OXNAD1: variants seen among roughly 807,000 people sequenced by gnomAD.
The protein encoded by OXNAD1 is oxidoreductase NAD binding domain containing 1.
OXNAD1 carries 34 observed loss-of-function variants against 32.9 expected under a neutral mutation model. The observed-to-expected ratio is 1.03, with a 90% CI of 0.79 to 1.38. The LOEUF is 1.38. OXNAD1 is among the 40% of genes most tolerant of loss of function. The pLI is 0.00. For missense variants in OXNAD1, 407 were observed against 379.4 expected (o/e 1.07, Z -0.60); for synonymous variants, 134 against 135.2 (o/e 0.99, Z 0.06).
Position 16,298,935 on chromosome 3 carries a change from A to G in OXNAD1, c.433-2691A>G, listed in dbSNP as rs1394743464. Among the ~76,000 whole-genome samples, 1 of 152,220 alleles carries G rather than the reference A, an allele frequency of 6.6e-6. No individual in the cohort carries two copies. The highest frequency in any genetic ancestry group is 2.4e-5 in the African/African-American group (1 of 41,456). On this transcript the variant is annotated intron_variant, in intron 6 of 8. Transcript: ENST00000285083. The surrounding 1 kb of genome is among the most constrained non-coding windows in gnomAD (Gnocchi z 5.1). ...TTACCCTCGCAGTTTTTATTGATCA[A>G]CAAAAAGACAAAGATGGCTTTTAAT... is the stretch of plus-strand genomic sequence containing the variant.
rs180761629 is a variant in OXNAD1 at position 16,327,798 on chromosome 3, T to C, written c.*31-9314T>C. ...CAAAACGAAAAAAACTTCAGCCCCC[T>C]GCTAGCACAGGGAGAGAGCCCTGAT... On this transcript the variant is annotated intron_variant, in intron 9 of 9. Transcript: ENST00000435829. This position sits in a 1 kb window ranked among gnomAD's most constrained non-coding sequence, Gnocchi z 4.2. Among the ~76,000 whole-genome samples the C allele has an allele frequency of 6.0e-5, 9 of 150,224 alleles. No individual in the cohort carries two copies. The highest frequency in any genetic ancestry group is 2.0e-4 in the African/African-American group (8 of 41,014).
At position 16,271,130 on chromosome 3, in the gene OXNAD1, T is replaced by C. The variant is rs115035773; in HGVS notation, c.119+59T>C. 23 of 1,583,418 alleles carry C rather than the reference T, an allele frequency of 1.5e-5. No homozygotes were observed. The highest frequency in any genetic ancestry group is 1.9e-5 in the Non-Finnish European group (22 of 1,159,262). ...TAATTTTCAAAGAGACCCGACCTGCTGATGGTTGTGGGAGGCATATCAAAC... is the reference window on the plus strand; with the variant it reads ...TAATTTTCAAAGAGACCCGACCTGCCGATGGTTGTGGGAGGCATATCAAAC... On this transcript the variant is annotated intron_variant, in intron 3 of 8. Coordinates refer to ENST00000285083, the MANE Select transcript of OXNAD1 (RefSeq NM_138381.5). This position sits in a 1 kb window ranked among gnomAD's most constrained non-coding sequence, Gnocchi z 4.6.
At position 16,322,697 on chromosome 3, in the gene OXNAD1, A is replaced by G. The variant is rs969869136; in HGVS notation, c.*31-14415A>G. On this transcript the variant is annotated intron_variant, in intron 9 of 9. Coordinates refer to the OXNAD1 transcript ENST00000435829. The surrounding 1 kb of genome is among the most constrained non-coding windows in gnomAD (Gnocchi z 6.2). ...GGTTGCCGACACTTGCACCTCGTAC[A>G]GCCCTTGTGCTCAACCTTCAGGAAT... is the stretch of plus-strand genomic sequence containing the variant. 6.6e-6 allele frequency among the ~76,000 whole-genome samples: 1 copy of G among 152,192 alleles called. No homozygotes were observed. The highest frequency in any genetic ancestry group is 2.4e-5 in the African/African-American group (1 of 41,440).
chr3:16,282,484 T>C (rs773722450), intron 4 of OXNAD1, among the ~76,000 whole-genome samples: 3 of 152,138 alleles, frequency 2.0e-5, no homozygotes, highest in Non-Finnish European at 1.5e-5. Flanking sequence ...AGCCTTACTG[T>C]GTGTTGGGCC....
intron 9 of OXNAD1, chr3:16,323,379 C>A (rs149272972): frequency 2.1e-5 from 33 of 1,605,300 alleles, no homozygotes; most frequent in African/African-American, 1.7e-4. Context: ...CTCTTACCTT[C>A]GATTCCTTCT....
Position 16,321,236 on chromosome 3 carries a change from G to A in OXNAD1, c.*31-15876G>A, listed in dbSNP as rs920640246. Among the ~76,000 whole-genome samples the A allele has an allele frequency of 6.6e-6, 1 of 152,166 alleles. No individual in the cohort carries two copies. The highest frequency in any genetic ancestry group is 2.4e-5 in the African/African-American group (1 of 41,418). On this transcript the variant is annotated intron_variant, in intron 9 of 9. Coordinates refer to the OXNAD1 transcript ENST00000435829. The surrounding 1 kb of genome is among the most constrained non-coding windows in gnomAD (Gnocchi z 4.8). Reference sequence around the variant, plus strand: ...TGGAGCTGGAGTCTTGGGGTGCAGTGAGGGCTGAAAATGCAGGCGGAATGG... The same window carrying A: ...TGGAGCTGGAGTCTTGGGGTGCAGTAAGGGCTGAAAATGCAGGCGGAATGG...
chr3:16,351,881 GA>G (rs11366942), downstream of OXNAD1, among the ~76,000 whole-genome samples: 4,769 of 151,172 alleles, frequency 0.032, 231 homozygotes, highest in African/African-American at 0.11. The surrounding 1 kb of genome is among the most constrained non-coding windows in gnomAD (Gnocchi z 5.4). Context: ...AGAAAGACTA[GA>G]AAAAAAAATC....
rs1243623451 is a variant in OXNAD1 at position 16,329,826 on chromosome 3, C to T, written c.*31-7286C>T. Among the ~76,000 whole-genome samples the T allele has an allele frequency of 3.9e-5, 6 of 152,144 alleles. No homozygotes were observed. The highest frequency in any genetic ancestry group is 3.9e-4 in the Admixed American group (6 of 15,276). The stretch of plus-strand genomic sequence containing the variant: ...CAGTAGCCATGGCAACCAGGACAAG[C>T]TTTGGCGCCTCACAAAGCCCTGAGT... On this transcript the variant is annotated intron_variant, in intron 9 of 9. Coordinates refer to the OXNAD1 transcript ENST00000435829. This position sits in a 1 kb window ranked among gnomAD's most constrained non-coding sequence, Gnocchi z 4.5.
chr3:16,288,177 GGC>G lies in OXNAD1; in HGVS notation c.290+1730_290+1731del, dbSNP rs1245756516. ...GTCCCTTCCATGCTGTTGCTTGAAT[GGC>G]TTTGTGCTCTAGGCTGTCTCAGACC... On this transcript the variant is annotated intron_variant, in intron 5 of 8. Coordinates refer to ENST00000285083, the MANE Select transcript of OXNAD1 (RefSeq NM_138381.5). The surrounding 1 kb of genome is among the most constrained non-coding windows in gnomAD (Gnocchi z 5.1). Among the ~76,000 whole-genome samples the G allele has an allele frequency of 1.3e-5, 2 of 152,170 alleles. No individual in the cohort carries two copies. The highest frequency in any genetic ancestry group is 4.8e-5 in the African/African-American group (2 of 41,452).
At position 16,271,200 on chromosome 3, in the gene OXNAD1, T is replaced by C; in HGVS notation, c.119+129T>C. The C allele has an allele frequency of 8.9e-7, 1 of 1,120,316 alleles. No homozygotes were observed. The highest frequency in any genetic ancestry group is 1.5e-5 in the South Asian group (1 of 66,118). The allele number at this position is 1,120,316 out of a possible 1,614,324, so 69.4% of individuals were successfully genotyped here. A position where few individuals can be genotyped will look rare whatever the true frequency, so the allele number is the denominator to read the frequency against. On this transcript the variant is annotated intron_variant, in intron 3 of 8. Coordinates refer to ENST00000285083, the MANE Select transcript of OXNAD1 (RefSeq NM_138381.5). The surrounding 1 kb of genome is among the most constrained non-coding windows in gnomAD (Gnocchi z 4.6). ...TAGCTTCAATGTGCATGCTGTCAGG[T>C]TGTTAACCGTTTTTTTTGTCTGAGA...
At chr3:16,296,577 G>C (rs763642548) in intron 6 of OXNAD1, among the ~76,000 whole-genome samples, 7 of 152,102 alleles carry the variant, frequency 4.6e-5, no homozygotes, top group Non-Finnish European at 8.8e-5. Flanking sequence ...TTAAGATAAA[G>C]CTACAGCATT....
intron 5 of OXNAD1, among the ~76,000 whole-genome samples, chr3:16,293,001 T>A (rs1431592174): frequency 6.6e-6 from 1 of 152,214 alleles, no homozygotes; most frequent in East Asian, 1.9e-4. Context: ...TTTTGATGAT[T>A]ATGGGTTCCT....
At chr3:16,295,035 A>G (rs761087738) in intron 6 of OXNAD1, 38 bp downstream of exon 6, 59 of 1,565,078 alleles carry the variant, frequency 3.8e-5, no homozygotes, top group South Asian at 4.8e-5. Flanking sequence ...TGATCTGGGT[A>G]TCTCTGCCAC....
chr3:16,286,391 T>C lies in OXNAD1; in HGVS notation c.233T>C (p.Val78Ala). The C allele has an allele frequency of 6.2e-7, 1 of 1,613,974 alleles. No individual in the cohort carries two copies. The highest frequency in any genetic ancestry group is 1.1e-5 in the South Asian group (1 of 91,086). The change falls in exon 5 of 9, where the codon GTG becomes GCG. Residue 78 changes from valine (V) to alanine (A), a missense_variant. Val to Ala is a moderately conservative substitution (Grantham distance 64). Coordinates refer to ENST00000285083, the MANE Select transcript of OXNAD1 (RefSeq NM_138381.5). Reference sequence around the variant, plus strand: ...GGAGCTGCCAGTGAGTCACCGTCAGTGAAGAGCCTCCGCTTGCTTGTTGCT... The same window carrying C: ...GGAGCTGCCAGTGAGTCACCGTCAGCGAAGAGCCTCCGCTTGCTTGTTGCT... ...VCGAASESPS[V>A]KSLRLLVADQ... is the part of the protein sequence containing the mutation.
In OXNAD1 at chr3:16,301,785, C is replaced by G. The variant is rs377312886; in HGVS notation, c.592C>G (p.Gln198Glu). 11 of 1,613,994 alleles carry G rather than the reference C, an allele frequency of 6.8e-6. No homozygotes were observed. Among genetic ancestry groups the G allele is most frequent in the Non-Finnish European group, 9.3e-6 (11 of 1,180,010 alleles). ...GCACGCAGCAGATCTCCTCAGAGAG[C>G]AGGCAAACAAAAGAAATGGATATGA... The part of the protein sequence containing the change: ...LRHAADLLRE[Q>E]ANKRNGYEIG... Residue 198 changes from glutamine (Q) to glutamate (E), a missense_variant, in exon 7 of 9, where the codon CAG becomes GAG. Transcript: ENST00000285083. This position sits in a 1 kb window ranked among gnomAD's most constrained non-coding sequence, Gnocchi z 4.1.
Position 16,348,991 on chromosome 3 carries a change from C to T in OXNAD1, c.*31-185C>T, listed in dbSNP as rs375789297. Among the ~76,000 whole-genome samples, 11 of 152,218 alleles carry T rather than the reference C, an allele frequency of 7.2e-5. No homozygotes were observed. Among genetic ancestry groups the T allele is most frequent in the African/African-American group, 2.4e-4 (10 of 41,468 alleles). ...AAGAGGGACAGACAGCCATCCCAGG[C>T]TCCACTATCCAAGGACAGGGTCAAA... is the stretch of plus-strand genomic sequence containing the variant. On this transcript the variant is annotated intron_variant, in intron 9 of 9. Transcript: ENST00000606098. The surrounding 1 kb of genome is among the most constrained non-coding windows in gnomAD (Gnocchi z 6.3).
chr3:16,265,577 C>G lies in OXNAD1; in HGVS notation c.-159+72C>G, dbSNP rs902821336. 6.6e-6 allele frequency: 1 copy of G among 152,262 alleles called. No individual in the cohort carries two copies. Among genetic ancestry groups the G allele is most frequent in the Non-Finnish European group, 1.5e-5 (1 of 68,130 alleles). The allele number at this position is 152,262 out of a possible 1,614,324, so 9.4% of individuals were successfully genotyped here. On this transcript the variant is annotated intron_variant, in intron 1 of 8. Coordinates refer to ENST00000285083, the MANE Select transcript of OXNAD1 (RefSeq NM_138381.5). This position sits in a 1 kb window ranked among gnomAD's most constrained non-coding sequence, Gnocchi z 4.8. The stretch of plus-strand genomic sequence containing the variant: ...ATTGTGTTGCTGAAAGGACCAAGCC[C>G]TGGAAGGCAGGGATTGAGTTCTAGT...
Position 16,302,399 on chromosome 3 carries a change from G to GA in OXNAD1, c.676-235dup, listed in dbSNP as rs2067246349. The stretch of plus-strand genomic sequence containing the variant: ...GCCAATGCTTGAGAAAAAGGAAAAA[G>GA]AAAAAACTCCCGGAGAGTTGGTAAT... On this transcript the variant is annotated intron_variant, in intron 7 of 8. Coordinates refer to ENST00000285083, the MANE Select transcript of OXNAD1 (RefSeq NM_138381.5). This position sits in a 1 kb window ranked among gnomAD's most constrained non-coding sequence, Gnocchi z 4.2. 6.6e-6 allele frequency among the ~76,000 whole-genome samples: 1 copy of GA among 152,112 alleles called. No homozygotes were observed. The highest frequency in any genetic ancestry group is 2.1e-4 in the South Asian group (1 of 4,830).
rs2125257735 is a variant in OXNAD1, at chr3:16,334,070, C to G, written c.*31-3042C>G. Among the ~76,000 whole-genome samples, 1 of 152,296 alleles carries G rather than the reference C, an allele frequency of 6.6e-6. No homozygotes were observed. The highest frequency in any genetic ancestry group is 2.1e-4 in the South Asian group (1 of 4,828). ...GTCCCAGCTACTTGGGAGGCTGAGGCAGGAGAATGGCTTGAACCTAGGAGG... is the reference window on the plus strand; with the variant it reads ...GTCCCAGCTACTTGGGAGGCTGAGGGAGGAGAATGGCTTGAACCTAGGAGG... On this transcript the variant is annotated intron_variant, in intron 9 of 9. Coordinates refer to the OXNAD1 transcript ENST00000435829. This position sits in a 1 kb window ranked among gnomAD's most constrained non-coding sequence, Gnocchi z 4.3.
Sources: allele counts gnomAD v4.1 joint callset (sites outside exome capture counted in the v4.1 genomes callset), GRCh38; gene constraint gnomAD v4.1.1; non-coding constraint Gnocchi (gnomAD v3.1); transcripts MANE v1.5; gene names NCBI Gene and HGNC (gene_info 2026-07-23, HGNC 2026-07-21).